Variants in MTERF3 observed in about 807,000 individuals in gnomAD.
MTERF3 encodes the protein transcription termination factor 3, mitochondrial.
MTERF3 carries 40 observed loss-of-function variants against 40.5 expected under a neutral mutation model. The ratio of observed to expected loss-of-function variants is 0.99; its 90% CI spans 0.77 to 1.29. The LOEUF (loss-of-function observed/expected upper bound fraction) is 1.29, where lower values mean the gene tolerates loss of function less well. Among genes scored for constraint, MTERF3 ranks in the 50% most tolerant of loss-of-function variants. The pLI, the probability that MTERF3 is intolerant of heterozygous loss-of-function variation, is 0.00. For missense variants in MTERF3, 452 were observed against 478.2 expected (o/e 0.95, Z 0.51); for synonymous variants, 158 against 166.6 (o/e 0.95, Z 0.40).
At chr8:96,250,681 A>AAGAAGAAGAAGAAGAAGAAGAAGG (rs1195195158) in intron 4 of MTERF3, among the ~76,000 whole-genome samples, 9 of 23,330 alleles carry the variant, frequency 3.9e-4, no homozygotes, top group Non-Finnish European at 5.3e-4. Flanking sequence ...GAAGAAGAAG[A>AAGAAGAAGAAGAAGAAGAAGAAGG]AGGAGGAGGA....
At chr8:96,253,508 C>T (rs970937246) in intron 3 of MTERF3, among the ~76,000 whole-genome samples, 3 of 152,016 alleles carry the variant, frequency 2.0e-5, no homozygotes, top group Admixed American at 2.0e-4. Flanking sequence ...GGATACAGAT[C>T]GGGCAGAAAA....
At chr8:96,257,441 C>G (rs1051550471) in intron 2 of MTERF3, among the ~76,000 whole-genome samples, 1 of 152,176 alleles carries the variant, frequency 6.6e-6, no homozygotes, top group African/African-American at 2.4e-5. Flanking sequence ...TTTACCATAG[C>G]CTGTTAACTT....
intron 4 of MTERF3, among the ~76,000 whole-genome samples, chr8:96,248,657 C>G (rs1018823429): frequency 2.0e-5 from 3 of 151,920 alleles, no homozygotes; most frequent in African/African-American, 7.3e-5. Context: ...AAAAAATTAT[C>G]AAAACTATTG....
chr8:96,249,097 G>C (rs1255489760), intron 4 of MTERF3, among the ~76,000 whole-genome samples: 1 of 152,310 alleles, frequency 6.6e-6, no homozygotes, highest in Admixed American at 6.5e-5. Flanking sequence ...GCTTGAGCAA[G>C]TAACTTAAGC....
chr8:96,256,212 T>C (rs1810276305), intron 3 of MTERF3, among the ~76,000 whole-genome samples: 1 of 152,180 alleles, frequency 6.6e-6, no homozygotes, highest in African/African-American at 2.4e-5. Context: ...GCTATCCAGA[T>C]CCAAGTGCAA....
rs562411907 is a variant in MTERF3, at chr8:96,258,582, G to A, written c.109C>T (p.Leu37=). The A allele has an allele frequency of 1.2e-6, 2 of 1,614,146 alleles. No homozygotes were observed. The part of the protein sequence containing the change: ...TKRFTRPART[L]LHGFSAQPQI... The stretch of plus-strand genomic sequence containing the variant: ...GGCTGAGCAGAAAAGCCATGTAACA[G>A]TGTTCTTGCTGGTCTAGTAAAACGT... The change falls in exon 2 of 8, where the codon CTG becomes TTG. Residue 37 remains leucine (L), a synonymous_variant. Coordinates refer to ENST00000287025, the MANE Select transcript of MTERF3 (RefSeq NM_015942.5).
At chr8:96,249,766 C>T (rs1308822692) in intron 4 of MTERF3, among the ~76,000 whole-genome samples, 4 of 151,896 alleles carry the variant, frequency 2.6e-5, no homozygotes, top group Non-Finnish European at 4.4e-5. Context: ...GGAACTGAGG[C>T]AAAATAGTCA....
chr8:96,256,233 A>G (rs1278267827), intron 3 of MTERF3, among the ~76,000 whole-genome samples: 1 of 152,240 alleles, frequency 6.6e-6, no homozygotes, highest in African/African-American at 2.4e-5. Flanking sequence ...CCTAATGGTC[A>G]ACAAGTGAAG....
At chr8:96,239,982 C>G in intron 7 of MTERF3, 1 of 583,292 alleles carries the variant, frequency 1.7e-6, no homozygotes, top group East Asian at 2.9e-5. Context: ...AATCTTCGGC[C>G]GGGCGTGGTG....
chr8:96,253,509 G>A (rs1252193731), intron 3 of MTERF3, among the ~76,000 whole-genome samples: 5 of 152,044 alleles, frequency 3.3e-5, no homozygotes, highest in African/African-American at 9.7e-5. Context: ...GATACAGATC[G>A]GGCAGAAAAC....
At chr8:96,244,309 A>C (rs1323519844) in intron 6 of MTERF3, among the ~76,000 whole-genome samples, 1 of 152,112 alleles carries the variant, frequency 6.6e-6, no homozygotes, top group Non-Finnish European at 1.5e-5. Context: ...GGGTTTCACC[A>C]TGTTGGCCAG....
In MTERF3 at chr8:96,258,341, G is replaced by C. The variant is rs748704962; in HGVS notation, c.334+16C>G. The C allele has an allele frequency of 5.7e-6, 9 of 1,584,364 alleles. No homozygotes were observed. In the African/African-American group the frequency reaches 1.1e-4, roughly 19 times the overall value. ...AAAGTAGGGAAAGGGAGACTTTTCT[G>C]AAAGTTCAGAATTACCTTCTAGAAA... is the stretch of plus-strand genomic sequence containing the variant. On this transcript the variant is annotated intron_variant, in intron 2 of 7. Transcript: ENST00000287025.
chr8:96,255,521 C>T (rs1010111894), intron 3 of MTERF3, among the ~76,000 whole-genome samples: 5 of 151,832 alleles, frequency 3.3e-5, no homozygotes, highest in Non-Finnish European at 7.4e-5. Flanking sequence ...TGCTTGTAAT[C>T]TCAGCTACCA....
chr8:96,246,083 C>A, intron 5 of MTERF3, 152 bp from the exon 6 acceptor site: 1 of 838,932 alleles, frequency 1.2e-6, no homozygotes, highest in Non-Finnish European at 1.8e-6. Flanking sequence ...AAGATTAATA[C>A]TGTTTGGAAA....
chr8:96,258,419 A>T lies in MTERF3; in HGVS notation c.272T>A (p.Met91Lys). 1 of 1,614,114 alleles carries T rather than the reference A, an allele frequency of 6.2e-7. No homozygotes were observed. Among genetic ancestry groups the T allele is most frequent in the Non-Finnish European group, 8.5e-7 (1 of 1,179,964 alleles). Reference protein sequence around the residue: ...NSAQSSLLPSMNEQSQKTQNI... With the variant: ...NSAQSSLLPSKNEQSQKTQNI... ...TTGTGTCTTCTGTGACTGTTCATTCATGGAAGGAAGCAGACTGCTTTGGGC... is the reference window on the plus strand; with the variant it reads ...TTGTGTCTTCTGTGACTGTTCATTCTTGGAAGGAAGCAGACTGCTTTGGGC... The change falls in exon 2 of 8, where the codon ATG (methionine) becomes AAG (lysine). Residue 91 changes from methionine (M) to lysine (K), a missense_variant. Coordinates refer to ENST00000287025, the MANE Select transcript of MTERF3 (RefSeq NM_015942.5).
intron 6 of MTERF3, among the ~76,000 whole-genome samples, chr8:96,244,974 C>T (rs1414265999): frequency 3.3e-5 from 5 of 152,170 alleles, no homozygotes; most frequent in South Asian, 2.1e-4. Flanking sequence ...TGAGCTTTTG[C>T]TCCCAAGTAC....
chr8:96,249,271 T>C (rs765923404), intron 4 of MTERF3, among the ~76,000 whole-genome samples: 4 of 152,180 alleles, frequency 2.6e-5, no homozygotes, highest in Admixed American at 6.5e-5. Flanking sequence ...TGTACAAAGG[T>C]GCTATTAACA....
chr8:96,243,266 AT>A (rs1420345484), intron 7 of MTERF3, among the ~76,000 whole-genome samples: 1 of 152,206 alleles, frequency 6.6e-6, no homozygotes, highest in Non-Finnish European at 1.5e-5. Flanking sequence ...CTGAGTGGCT[AT>A]TTGCATAGGA....
chr8:96,239,853 A>C (rs116633909), intron 7 of MTERF3, 168 bp from the exon 8 acceptor site: 2 of 704,998 alleles, frequency 2.8e-6, no homozygotes, highest in Non-Finnish European at 2.6e-6. Context: ...TTCTGTGAAG[A>C]AACTAGAAAA....
Sources: gnomAD v4.1 joint callset for allele counts (sites outside exome capture counted in the v4.1 genomes callset) on GRCh38, gnomAD v4.1.1 for gene constraint, MANE v1.5 for transcripts, NCBI Gene and HGNC (gene_info 2026-07-23, HGNC 2026-07-21) for gene names.